UBR3: variants seen among roughly 807,000 people sequenced by gnomAD.
UBR3 encodes the protein ubiquitin protein ligase E3 component n-recognin 3, also known as E3 ubiquitin-protein ligase UBR3.
A neutral mutation model predicts 243.2 loss-of-function variants in UBR3; 85 were observed. The observed-to-expected ratio is 0.35, with a 90% CI of 0.29 to 0.42. The LOEUF is 0.42. UBR3 is among the 10% of genes least tolerant of loss of function. The pLI is 1.00. For missense variants in UBR3, 1,686 were observed against 2,300.8 expected (o/e 0.73, Z 5.47); for synonymous variants, 748 against 799.8 (o/e 0.94, Z 1.09).
chr2:169,991,660 G>C (rs1233596678), intron 25 of UBR3, among the ~76,000 whole-genome samples: 1 of 152,134 alleles, frequency 6.6e-6, no homozygotes, highest in Non-Finnish European at 1.5e-5. Context: ...TCGGCTCACT[G>C]CAAGCTCCGT....
intron 27 of UBR3, among the ~76,000 whole-genome samples, chr2:170,002,054 C>A (rs60875659): frequency 0.096 from 14,465 of 150,746 alleles, 832 homozygotes; most frequent in African/African-American, 0.16. Context: ...CCTTATGATT[C>A]TCACATAAGT....
intron 1 of UBR3, among the ~76,000 whole-genome samples, chr2:169,840,834 G>A (rs2082265839): frequency 6.6e-6 from 1 of 152,130 alleles, no homozygotes; most frequent in South Asian, 2.1e-4. Flanking sequence ...TTTGGGAGTG[G>A]CAGCCTTAGC....
At chr2:169,881,798 TTTATG>T (rs1480309853) in intron 5 of UBR3, among the ~76,000 whole-genome samples, 2 of 139,590 alleles carry the variant, frequency 1.4e-5, no homozygotes, top group South Asian at 2.1e-4. Context: ...TATATTTATA[TTTATG>T]TTATAATATA....
At chr2:170,063,251 G>A (rs1386583838) in intron 35 of UBR3, among the ~76,000 whole-genome samples, 1 of 152,118 alleles carries the variant, frequency 6.6e-6, no homozygotes, top group Non-Finnish European at 1.5e-5. Flanking sequence ...TCTTGAGACC[G>A]AGAGACATGA....
In UBR3 at chr2:170,079,734, G is replaced by A. The variant is rs1321891706; in HGVS notation, c.5200-80G>A. Reference sequence around the variant, plus strand: ...TTCTTGGAGGCAGATTTTTCTTTCTGTAAAAATACATTTAAAAAATATATT... The same window carrying A: ...TTCTTGGAGGCAGATTTTTCTTTCTATAAAAATACATTTAAAAAATATATT... On this transcript the variant is annotated intron_variant, in intron 36 of 38. Transcript: ENST00000272793. 3.8e-6 allele frequency: 5 copies of A among 1,312,938 alleles called. No homozygotes were observed. The South Asian group carries it at 4.7e-5, about 12-fold the overall frequency. 81.3% of individuals were successfully genotyped at this position (1,312,938 alleles called of 1,614,324 possible).
intron 10 of UBR3, among the ~76,000 whole-genome samples, chr2:169,912,241 T>C (rs2085282308): frequency 6.6e-6 from 1 of 152,152 alleles, no homozygotes; most frequent in Non-Finnish European, 1.5e-5. Context: ...AATTCACCAT[T>C]TAACCATTTT....
chr2:169,947,123 CT>C (rs369551015), intron 21 of UBR3, among the ~76,000 whole-genome samples: 48 of 152,104 alleles, frequency 3.2e-4, no homozygotes, highest in African/African-American at 1.1e-3. Context: ...AACATATGTT[CT>C]TTCATAGATT....
intron 24 of UBR3, among the ~76,000 whole-genome samples, chr2:169,980,910 C>T (rs373329204): frequency 3.0e-4 from 46 of 151,450 alleles, no homozygotes; most frequent in African/African-American, 1.1e-3. Context: ...TCTCATAGGG[C>T]CAGAAAGTAG....
In UBR3 at chr2:170,011,772, CAA is replaced by C. The variant is rs2090090960; in HGVS notation, c.4367+2835_4367+2836del. Among the ~76,000 whole-genome samples, 5 of 151,852 alleles carry C rather than the reference CAA, an allele frequency of 3.3e-5. No homozygotes were observed. The South Asian group carries it at 1.0e-3, about 31-fold the overall frequency. ...AATTTAAAATGATCTAAAAATTAAT[CAA>C]AATCATTACATTCAAGTTTCAATAT... is the stretch of plus-strand genomic sequence containing the variant. On this transcript the variant is annotated intron_variant, in intron 29 of 38. Transcript: ENST00000272793.
In UBR3 at chr2:169,827,560, A is replaced by T. The variant is rs1479559097; in HGVS notation, c.53A>T (p.Glu18Val). The T allele has an allele frequency of 8.1e-7, 1 of 1,234,406 alleles. No individual in the cohort carries two copies. Among genetic ancestry groups the T allele is most frequent in the Non-Finnish European group, 1.0e-6 (1 of 991,724 alleles). The allele number at this position is 1,234,406 out of a possible 1,614,324, so 76.5% of individuals were successfully genotyped here. Residue 18 changes from glutamate (E) to valine (V), a missense_variant, in exon 1 of 39, where the codon GAG becomes GTG. Glu to Val is a moderately radical substitution (Grantham distance 121). Transcript: ENST00000272793. ...AVGGQQPSQP[E>V]LPAPGLALDK... ...GGGGGCCAGCAGCCGTCACAGCCCG[A>T]GCTGCCCGCGCCGGGGCTGGCCCTA...
At chr2:170,068,673 G>T (rs943857552) in intron 35 of UBR3, among the ~76,000 whole-genome samples, 15 of 152,074 alleles carry the variant, frequency 9.9e-5, no homozygotes, top group African/African-American at 3.6e-4. Flanking sequence ...CCAAAATCTG[G>T]TTCTTTACAA....
intron 24 of UBR3, among the ~76,000 whole-genome samples, chr2:169,974,439 C>T (rs941821024): frequency 1.3e-5 from 2 of 152,034 alleles, no homozygotes; most frequent in East Asian, 3.9e-4. Context: ...TCAGGTTTTC[C>T]AATTGGTTGG....
rs373557770 is a variant in UBR3 at position 170,073,562 on chromosome 2, T to C, written c.5154T>C (p.Cys1718=). ...CATTTGATATTATAACTCAGTGGTGTTTTGAGATAAAATCATTTACTGAAA... is the reference window on the plus strand; with the variant it reads ...CATTTGATATTATAACTCAGTGGTGCTTTGAGATAAAATCATTTACTGAAA... The part of the protein sequence containing the change: ...VPAFDIITQW[C]FEIKSFTERH... Residue 1718 remains cysteine (C), a synonymous_variant, in exon 36 of 39, where the codon TGT becomes TGC. Transcript: ENST00000272793. The C allele has an allele frequency of 1.0e-4, 167 of 1,613,504 alleles. No individual in the cohort carries two copies. The highest frequency in any genetic ancestry group is 1.4e-4 in the Non-Finnish European group (161 of 1,179,642).
At chr2:169,908,772 G>T (rs1048091812) in intron 10 of UBR3, among the ~76,000 whole-genome samples, 1 of 151,764 alleles carries the variant, frequency 6.6e-6, no homozygotes, top group African/African-American at 2.4e-5. Flanking sequence ...TGTTTGTCGT[G>T]GGGGAGATAA....
intron 1 of UBR3, among the ~76,000 whole-genome samples, chr2:169,832,569 G>GA (rs568527694): frequency 2.0e-5 from 3 of 147,114 alleles, no homozygotes; most frequent in Non-Finnish European, 3.0e-5. Flanking sequence ...TCTGTCTCAG[G>GA]AAAAAAAACA....
chr2:169,991,305 T>C (rs1168084903), intron 25 of UBR3, among the ~76,000 whole-genome samples: 1 of 152,140 alleles, frequency 6.6e-6, no homozygotes, highest in Non-Finnish European at 1.5e-5. Flanking sequence ...GGAAACTGAA[T>C]ACTTGAGCAA....
At chr2:169,881,945 C>CATATACATATACATATAA (rs1491138630) in intron 5 of UBR3, among the ~76,000 whole-genome samples, 1 of 110,932 alleles carries the variant, frequency 9.0e-6, no homozygotes, top group Non-Finnish European at 1.8e-5. Context: ...AATATAATTA[C>CATATACATATACATATAA]ATATGTATGT....
At position 170,046,827 on chromosome 2, in the gene UBR3, C is replaced by G. The variant is rs146858652; in HGVS notation, c.4660+5842C>G. Among the ~76,000 whole-genome samples the G allele has an allele frequency of 3.7e-3, 562 of 151,548 alleles. 3 individuals are homozygous for G. The highest frequency in any genetic ancestry group is 0.013 in the African/African-American group (527 of 41,360). On this transcript the variant is annotated intron_variant, in intron 32 of 38. Coordinates refer to ENST00000272793, the MANE Select transcript of UBR3 (RefSeq NM_172070.4). ...AAAAATGACTTTTTTTTTTAGCATT[C>G]TCCAAAGATGATTGCTTTTTTCCCA...
chr2:169,850,716 C>T (rs1308619931), intron 1 of UBR3, among the ~76,000 whole-genome samples: 4 of 151,852 alleles, frequency 2.6e-5, no homozygotes, highest in Admixed American at 6.6e-5. Context: ...TGGTGGTGGG[C>T]GCCTGTGGTG....
Sources: gnomAD v4.1 joint callset for allele counts (sites outside exome capture counted in the v4.1 genomes callset) on GRCh38, gnomAD v4.1.1 for gene constraint, MANE v1.5 for transcripts, NCBI Gene and HGNC (gene_info 2026-07-23, HGNC 2026-07-21) for gene names.